The following ACVR1 variants were observed in gnomAD, a reference collection of about 807,000 sequenced individuals.
ACVR1 encodes the protein activin receptor type-1.
Under a neutral mutation model 57.1 loss-of-function variants are expected in ACVR1, and 38 were observed. The observed-to-expected ratio is 0.67, with a 90% CI of 0.51 to 0.87. The LOEUF (loss-of-function observed/expected upper bound fraction) is 0.87, where lower values mean the gene tolerates loss of function less well. Ranked by LOEUF, ACVR1 falls within the 40% of genes least tolerant of loss-of-function variation. The pLI is 0.00. For missense variants in ACVR1, 463 were observed against 638.2 expected (o/e 0.73, Z 2.96); for synonymous variants, 212 against 228.1 (o/e 0.93, Z 0.63).
intron 1 of ACVR1, among the ~76,000 whole-genome samples, chr2:157,863,440 T>C (rs536895520): frequency 7.9e-6 from 1 of 127,056 alleles, no homozygotes; most frequent in African/African-American, 2.8e-5. Context: ...CTCACGCCTG[T>C]AATCCCAGCA....
chr2:157,765,591 C>T (rs1685833347), intron 8 of ACVR1, among the ~76,000 whole-genome samples: 1 of 152,094 alleles, frequency 6.6e-6, no homozygotes, highest in Admixed American at 6.5e-5. Flanking sequence ...GCAAATAATG[C>T]ATTCTTGTCA....
chr2:157,766,802 G>A (rs1685879181), intron 7 of ACVR1, among the ~76,000 whole-genome samples: 1 of 152,186 alleles, frequency 6.6e-6, no homozygotes, highest in Non-Finnish European at 1.5e-5. Flanking sequence ...AGATGATAGT[G>A]TTTGCTGGCT....
intron 6 of ACVR1, among the ~76,000 whole-genome samples, 164 bp from the exon 7 acceptor site, chr2:157,770,678 T>G (rs1278341974): frequency 6.6e-6 from 1 of 152,056 alleles, no homozygotes; most frequent in African/African-American, 2.4e-5. Flanking sequence ...TATTTTTTAT[T>G]TTTTTTGGCC....
intron 9 of ACVR1, among the ~76,000 whole-genome samples, chr2:157,760,147 A>G (rs569045323): frequency 6.6e-6 from 1 of 152,258 alleles, no homozygotes; most frequent in Admixed American, 6.5e-5. Context: ...GGAAAAAGGG[A>G]AGTCAAATTG....
At chr2:157,796,956 G>A (rs1687146299) in intron 3 of ACVR1, among the ~76,000 whole-genome samples, 1 of 152,118 alleles carries the variant, frequency 6.6e-6, no homozygotes, top group Non-Finnish European at 1.5e-5. Flanking sequence ...TGCTTAGAGT[G>A]GAATATAAAC....
chr2:157,776,228 T>C (rs1329209655), intron 5 of ACVR1, among the ~76,000 whole-genome samples: 3 of 152,248 alleles, frequency 2.0e-5, no homozygotes, highest in Non-Finnish European at 2.9e-5. Flanking sequence ...ATATGCTCCA[T>C]TCCTCTCTCA....
intron 3 of ACVR1, among the ~76,000 whole-genome samples, chr2:157,795,052 A>C (rs1687052316): frequency 6.6e-6 from 1 of 151,870 alleles, no homozygotes; most frequent in African/African-American, 2.4e-5. Context: ...AATCTCTATG[A>C]CTCTCTTATT....
intron 1 of ACVR1, among the ~76,000 whole-genome samples, chr2:157,823,097 C>T (rs116643850): frequency 0.017 from 2,655 of 152,240 alleles, 81 homozygotes; most frequent in African/African-American, 0.06. Flanking sequence ...AACATGGCAA[C>T]GGCGAGAAGA....
At chr2:157,817,937 G>A (rs1688002954) in intron 2 of ACVR1, among the ~76,000 whole-genome samples, 2 of 151,260 alleles carry the variant, frequency 1.3e-5, no homozygotes, top group Admixed American at 1.3e-4. Flanking sequence ...GGGAGGTGGA[G>A]GTTGCAGTGA....
At chr2:157,808,111 T>A (rs1464597325) in intron 2 of ACVR1, among the ~76,000 whole-genome samples, 2 of 151,988 alleles carry the variant, frequency 1.3e-5, no homozygotes, top group Non-Finnish European at 2.9e-5. Flanking sequence ...CCACCATATC[T>A]TCTTCTTAGC....
At chr2:157,809,872 C>G (rs1231429944) in intron 2 of ACVR1, among the ~76,000 whole-genome samples, 1 of 152,056 alleles carries the variant, frequency 6.6e-6, no homozygotes, top group African/African-American at 2.4e-5. Flanking sequence ...CCCAGGATCT[C>G]AAGACCAGCA....
chr2:157,759,439 T>C (rs1685556957), intron 9 of ACVR1, among the ~76,000 whole-genome samples: 1 of 151,986 alleles, frequency 6.6e-6, no homozygotes, highest in Non-Finnish European at 1.5e-5. Flanking sequence ...AGACCATGAA[T>C]AACAAGATGG....
chr2:157,776,776 A>G (rs1686304851), intron 5 of ACVR1, among the ~76,000 whole-genome samples: 1 of 152,226 alleles, frequency 6.6e-6, no homozygotes. Flanking sequence ...CTTCTCCAGC[A>G]TAAGGGGAGC....
chr2:157,782,108 G>A (rs1686545090), intron 3 of ACVR1, among the ~76,000 whole-genome samples: 1 of 152,230 alleles, frequency 6.6e-6, no homozygotes, highest in Admixed American at 6.5e-5. Context: ...ACAGATTTGT[G>A]TGGGTGTGTG....
chr2:157,873,744 T>C (rs767610566), intron 1 of ACVR1, among the ~76,000 whole-genome samples: 4 of 152,234 alleles, frequency 2.6e-5, no homozygotes, highest in Non-Finnish European at 5.9e-5. Flanking sequence ...TAGGGCAAGA[T>C]AGAGGCATAA....
chr2:157,866,428 A>G (rs911685645), intron 1 of ACVR1, among the ~76,000 whole-genome samples: 2 of 151,416 alleles, frequency 1.3e-5, no homozygotes, highest in Admixed American at 1.3e-4. Flanking sequence ...ATCCTAAGCA[A>G]ACAAGCCAAG....
intron 9 of ACVR1, among the ~76,000 whole-genome samples, chr2:157,754,440 A>G (rs1685337513): frequency 6.6e-6 from 1 of 152,194 alleles, no homozygotes; most frequent in East Asian, 1.9e-4. Context: ...AACCAACACC[A>G]CAGAAATACA....
intron 1 of ACVR1, among the ~76,000 whole-genome samples, chr2:157,823,920 C>T (rs1026313696): frequency 1.3e-5 from 2 of 152,170 alleles, no homozygotes; most frequent in African/African-American, 2.4e-5. Flanking sequence ...CATGCTTGAA[C>T]CAACAGGTTC....
chr2:157,808,963 C>T (rs1472182721), intron 2 of ACVR1, among the ~76,000 whole-genome samples: 1 of 151,718 alleles, frequency 6.6e-6, no homozygotes, highest in Non-Finnish European at 1.5e-5. Flanking sequence ...AATACTTAGC[C>T]AATGAATTAC....
Sources: gnomAD v4.1 joint callset for allele counts (sites outside exome capture counted in the v4.1 genomes callset) on GRCh38, gnomAD v4.1.1 for gene constraint, MANE v1.5 for transcripts, NCBI Gene and HGNC (gene_info 2026-07-23, HGNC 2026-07-21) for gene names.